The following IFT43 variants were observed in gnomAD, a reference collection of about 807,000 sequenced individuals.
The protein encoded by IFT43 is intraflagellar transport 43, also known as intraflagellar transport protein 43 homolog.
In IFT43, 33 loss-of-function variants were observed where a neutral mutation model predicts 32.3. That is an observed-to-expected ratio of 1.02 (90% CI 0.77 to 1.37). The LOEUF is 1.37. IFT43 is among the 40% of genes most tolerant of loss of function. IFT43 has a pLI of 0.00. For synonymous variants in IFT43, 93 were observed against 98.2 expected (o/e 0.95, Z 0.31); for missense variants, 274 against 265.9 (o/e 1.03, Z -0.21).
In IFT43 at chr14:76,013,743, G is replaced by A. The variant is rs561353498; in HGVS notation, c.148-8584G>A. ...CCGCAAATGTGGAATGAAAAACTTCGTAACATCCAGGTTTGAGGAAACTAA... is the reference window on the plus strand; with the variant it reads ...CCGCAAATGTGGAATGAAAAACTTCATAACATCCAGGTTTGAGGAAACTAA... On this transcript the variant is annotated intron_variant, in intron 2 of 8. Transcript: ENST00000314067. The A allele has an allele frequency of 5.2e-5, 18 of 349,400 alleles. No homozygotes were observed. The South Asian group carries it at 9.0e-4, about 18-fold the overall frequency. The allele number at this position is 349,400 out of a possible 1,614,324, so 21.6% of individuals were successfully genotyped here.
At chr14:76,011,621 T>G (rs2036087412) in intron 2 of IFT43, among the ~76,000 whole-genome samples, 1 of 152,246 alleles carries the variant, frequency 6.6e-6, no homozygotes, top group Non-Finnish European at 1.5e-5. Flanking sequence ...CTAATGGCTT[T>G]AGCACTCACT....
At chr14:76,062,310 TC>T (rs1335175402) in intron 5 of IFT43, among the ~76,000 whole-genome samples, 1 of 151,952 alleles carries the variant, frequency 6.6e-6, no homozygotes, top group African/African-American at 2.4e-5. Flanking sequence ...GACTTCGTGA[TC>T]CGCCTGCCTC....
intron 2 of IFT43, among the ~76,000 whole-genome samples, chr14:76,001,690 C>G (rs2035888894): frequency 6.6e-6 from 1 of 152,210 alleles, no homozygotes; most frequent in Non-Finnish European, 1.5e-5. Context: ...CAGAATGCCA[C>G]AGAGTGAGTA....
Position 75,988,894 on chromosome 14 carries a change from A to T in IFT43, c.64A>T (p.Met22Leu). Residue 22 changes from methionine (M) to leucine (L), a missense_variant, in exon 2 of 9, where the codon ATG becomes TTG. Physicochemically the swap from Met to Leu is conservative, Grantham distance 15. Transcript: ENST00000314067. Reference protein sequence around the residue: ...RYSLATSRAKMGRRAQQESAQ... With the variant: ...RYSLATSRAKLGRRAQQESAQ... Reference sequence around the variant, plus strand: ...CTGTTTCTCCTTACAGAGGGCCAAGATGGGTCGCCGAGCTCAACAGGAGTC... The same window carrying T: ...CTGTTTCTCCTTACAGAGGGCCAAGTTGGGTCGCCGAGCTCAACAGGAGTC... The T allele has an allele frequency of 1.9e-6, 3 of 1,613,906 alleles. No individual in the cohort carries two copies. The highest frequency in any genetic ancestry group is 1.1e-5 in the South Asian group (1 of 91,070).
At chr14:76,054,875 C>T (rs772592760) in intron 3 of IFT43, among the ~76,000 whole-genome samples, 2 of 152,224 alleles carry the variant, frequency 1.3e-5, no homozygotes, top group African/African-American at 4.8e-5. Context: ...TGAAGAGGTG[C>T]TCCAGGACCC....
chr14:76,006,631 T>G (rs1214261641), intron 2 of IFT43, among the ~76,000 whole-genome samples: 1 of 152,202 alleles, frequency 6.6e-6, no homozygotes, highest in Non-Finnish European at 1.5e-5. Context: ...GTGTCCTTTC[T>G]AATTTGGGAA....
intron 2 of IFT43, among the ~76,000 whole-genome samples, chr14:75,999,263 ATATATATATGTATATATATT>A (rs1286911376): frequency 8.1e-4 from 20 of 24,556 alleles, no homozygotes; most frequent in African/African-American, 1.8e-3. Context: ...ATATATATAT[ATATATATATGTATATATATT>A]TTTTTTTTTT....
At chr14:76,079,821 T>C (rs2037476296) in intron 5 of IFT43, among the ~76,000 whole-genome samples, 1 of 152,196 alleles carries the variant, frequency 6.6e-6, no homozygotes, top group Non-Finnish European at 1.5e-5. Flanking sequence ...AGGTCGCCAC[T>C]GTCTCTTACT....
intron 5 of IFT43, among the ~76,000 whole-genome samples, chr14:76,066,136 T>A (rs371678640): frequency 6.6e-6 from 1 of 152,234 alleles, no homozygotes; most frequent in East Asian, 1.9e-4. Context: ...ATTTGTAATA[T>A]AGAGTGCCTA....
rs145361262 is a variant in IFT43 at position 76,029,856 on chromosome 14, A to AT, written c.215+7466dup. ...TTGTACTTTTTTTATTTTTATTTTT[A>AT]TTTTATTTTATTTTATTTTATTTTA... On this transcript the variant is annotated intron_variant, in intron 3 of 8. Coordinates refer to ENST00000314067, the MANE Select transcript of IFT43 (RefSeq NM_001102564.3). Among the ~76,000 whole-genome samples, 378 of 126,624 alleles carry AT rather than the reference A, an allele frequency of 3.0e-3. 1 individual carries two copies. The highest frequency in any genetic ancestry group is 0.013 in the African/African-American group (351 of 27,180). 83.1% of individuals were successfully genotyped at this position (126,624 alleles called of 152,430 possible). A position where few individuals can be genotyped will look rare whatever the true frequency, so the allele number is the denominator to read the frequency against.
intron 7 of IFT43, 98 bp downstream of exon 7, chr14:76,082,790 A>G: frequency 5.5e-6 from 5 of 915,122 alleles, no homozygotes; most frequent in Admixed American, 1.7e-5. Context: ...CAGCGCCTCC[A>G]CCAGTCCCCT....
At chr14:75,985,924 G>A (rs2035513297) in intron 1 of IFT43, 84 bp downstream of exon 1, 1 of 1,568,316 alleles carries the variant, frequency 6.4e-7, no homozygotes, top group Non-Finnish European at 8.6e-7. Context: ...TCTCTGAGGC[G>A]ACTCAGGGCG....
intron 3 of IFT43, among the ~76,000 whole-genome samples, chr14:76,041,299 G>C (rs2036701692): frequency 6.6e-6 from 1 of 152,352 alleles, no homozygotes; most frequent in East Asian, 1.9e-4. Flanking sequence ...GAGGGTCTTA[G>C]AAGGTCAGGA....
chr14:76,032,279 G>A (rs976747468), intron 3 of IFT43, among the ~76,000 whole-genome samples: 1 of 152,142 alleles, frequency 6.6e-6, no homozygotes, highest in Admixed American at 6.5e-5. Context: ...ATCATTTCTT[G>A]CACTGGCTCA....
At chr14:76,000,726 C>T (rs1425891459) in intron 2 of IFT43, among the ~76,000 whole-genome samples, 4 of 152,058 alleles carry the variant, frequency 2.6e-5, no homozygotes, top group African/African-American at 9.7e-5. Context: ...TGAGGGCAGG[C>T]AGATAGGATG....
At chr14:76,056,706 T>G (rs1247709581) in intron 3 of IFT43, among the ~76,000 whole-genome samples, 4 of 152,174 alleles carry the variant, frequency 2.6e-5, no homozygotes. Flanking sequence ...TTGGTGACAT[T>G]AGCTGTGTCA....
chr14:76,082,303 A>G lies in IFT43; in HGVS notation c.304A>G (p.Ile102Val), dbSNP rs752528550. 19 of 1,614,042 alleles carry G rather than the reference A, an allele frequency of 1.2e-5. No individual in the cohort carries two copies. Among genetic ancestry groups the G allele is most frequent in the South Asian group, 9.9e-5 (9 of 91,078 alleles). Residue 102 changes from isoleucine to valine, a missense_variant, in exon 6 of 9, where the codon ATC (isoleucine) becomes GTC (valine). Ile to Val is a conservative substitution (Grantham distance 29, BLOSUM62 3). Coordinates refer to ENST00000314067, the MANE Select transcript of IFT43 (RefSeq NM_001102564.3). The stretch of plus-strand genomic sequence containing the variant: ...TCTGCCTCTCCTTGCAGATATTCCT[A>G]TCATTCCGGATCTGGAGGAAGTACA... ...NGSDYGGDIP[I>V]IPDLEEVQEE...
At chr14:76,083,345 C>T (rs2037550002) in intron 8 of IFT43, 56 bp downstream of exon 8, 1 of 1,610,210 alleles carries the variant, frequency 6.2e-7, no homozygotes, top group African/African-American at 1.3e-5. Flanking sequence ...CCATAACCAG[C>T]CGACTCCCGG....
chr14:76,071,375 A>G (rs2037317953), intron 5 of IFT43, among the ~76,000 whole-genome samples: 1 of 152,264 alleles, frequency 6.6e-6, no homozygotes. Context: ...AAGGAGACAC[A>G]GTGATTCTCA....
Sources: gnomAD v4.1 joint callset for allele counts (sites outside exome capture counted in the v4.1 genomes callset) on GRCh38, gnomAD v4.1.1 for gene constraint, MANE v1.5 for transcripts, NCBI Gene and HGNC (gene_info 2026-07-23, HGNC 2026-07-21) for gene names.